Variants in CHST3 observed in about 807,000 individuals in gnomAD.
CHST3 encodes C6ST-1.
A neutral mutation model predicts 35.4 loss-of-function variants in CHST3; 20 were observed. That is an observed-to-expected ratio of 0.57 (90% CI 0.40 to 0.82). The LOEUF (loss-of-function observed/expected upper bound fraction) is 0.82, where lower values mean the gene tolerates loss of function less well. CHST3 is among the 40% of genes least tolerant of loss of function. The pLI is 0.00. For synonymous variants in CHST3, 334 were observed against 295.9 expected, an observed-to-expected ratio of 1.13 and a Z score of -1.32; for missense variants, 693 against 670.1, an observed-to-expected ratio of 1.03 and a Z score of -0.38.
intron 1 of CHST3, among the ~76,000 whole-genome samples, chr10:71,966,604 C>T (rs140650582): frequency 2.5e-3 from 385 of 152,322 alleles, no homozygotes; most frequent in African/African-American, 8.6e-3. Context: ...GGACTGGCCT[C>T]AGATGAAAGA....
At chr10:71,997,224 C>G (rs908058027) in intron 1 of CHST3, among the ~76,000 whole-genome samples, 1 of 152,172 alleles carries the variant, frequency 6.6e-6, no homozygotes, top group Non-Finnish European at 1.5e-5. Context: ...GCCCTTCATC[C>G]CAGCCCCTGG....
At chr10:71,995,147 G>C (rs750363060) in intron 1 of CHST3, among the ~76,000 whole-genome samples, 1 of 152,060 alleles carries the variant, frequency 6.6e-6, no homozygotes, top group Admixed American at 6.6e-5. Flanking sequence ...TTTTCCAGCC[G>C]GGTGCGGTGA....
intron 1 of CHST3, among the ~76,000 whole-genome samples, chr10:71,990,144 T>C (rs961027286): frequency 2.6e-5 from 4 of 152,180 alleles, no homozygotes; most frequent in Admixed American, 1.3e-4. Context: ...CGAAGAGTGT[T>C]ATAGCAGTCC....
intron 1 of CHST3, among the ~76,000 whole-genome samples, chr10:71,968,250 C>T (rs190560126): frequency 3.9e-4 from 59 of 152,128 alleles, no homozygotes; most frequent in Non-Finnish European, 7.1e-4. Context: ...GTGATGTTGA[C>T]CGTTTTTTCA....
Position 72,008,524 on chromosome 10 carries a change from T to G in CHST3, c.*53T>G. 9 of 1,458,264 alleles carry G rather than the reference T, an allele frequency of 6.2e-6. No individual in the cohort carries two copies. Among genetic ancestry groups the G allele is most frequent in the Non-Finnish European group, 8.1e-6 (9 of 1,105,054 alleles). The allele number at this position is 1,458,264 out of a possible 1,614,324, so 90.3% of individuals were successfully genotyped here. On this transcript the variant is annotated 3_prime_UTR_variant, in exon 3 of 3. Transcript: ENST00000373115. ...TCGTGAAAGGCCTGCCCCGTCTTTC[T>G]GCCGCAGCCCTCGCAGAGGGCGGGT...
At chr10:71,995,468 GCTAA>G (rs1422128844) in intron 1 of CHST3, among the ~76,000 whole-genome samples, 1 of 151,628 alleles carries the variant, frequency 6.6e-6, no homozygotes, top group East Asian at 1.9e-4. Context: ...TCACAGCTTG[GCTAA>G]CTGTTTGGTG....
In CHST3 at chr10:72,007,354, A is replaced by T; in HGVS notation, c.323A>T (p.Glu108Val). The T allele has an allele frequency of 6.2e-7, 1 of 1,608,012 alleles. No individual in the cohort carries two copies. The highest frequency in any genetic ancestry group is 8.5e-7 in the Non-Finnish European group (1 of 1,177,378). ...SLQLGVEPAM[E>V]AAGEEEEEQR... ...CAGCTGGGCGTGGAGCCAGCCATGG[A>T]GGCCGCAGGGGAGGAAGAGGAAGAG... Residue 108 changes from glutamate to valine, a missense_variant, in exon 3 of 3, where the codon GAG becomes GTG. Glu to Val is a moderately radical substitution (Grantham distance 121). Coordinates refer to ENST00000373115, the MANE Select transcript of CHST3 (RefSeq NM_004273.5).
chr10:71,990,384 A>G lies in CHST3; in HGVS notation c.-107-15352A>G, dbSNP rs576197456. ...AATAATTTTTCTTTTTTTTTTTGAC[A>G]CGGAGTTTTGCTCTTGTTGCCCAGG... On this transcript the variant is annotated intron_variant, in intron 1 of 2. Coordinates refer to ENST00000373115, the MANE Select transcript of CHST3 (RefSeq NM_004273.5). 5.0e-3 allele frequency among the ~76,000 whole-genome samples: 757 copies of G among 151,700 alleles called. 2 individuals are homozygous for G. Among genetic ancestry groups the G allele is most frequent in the African/African-American group, 0.017 (683 of 41,346 alleles).
chr10:71,989,403 C>G (rs899272613), intron 1 of CHST3, among the ~76,000 whole-genome samples: 2 of 152,042 alleles, frequency 1.3e-5, no homozygotes, highest in Non-Finnish European at 2.9e-5. Flanking sequence ...GCCATGATCA[C>G]ACCACCGTAT....
intron 2 of CHST3, 130 bp downstream of exon 2, chr10:72,006,112 A>G (rs1020980180): frequency 3.3e-6 from 4 of 1,205,196 alleles, no homozygotes; most frequent in South Asian, 1.2e-5. Flanking sequence ...GGCCCCTTCT[A>G]TGTCCCAGGC....
intron 1 of CHST3, among the ~76,000 whole-genome samples, chr10:71,966,138 G>T (rs1156396186): frequency 6.6e-6 from 1 of 152,162 alleles, no homozygotes; most frequent in Non-Finnish European, 1.5e-5. Flanking sequence ...TGGAGAAAGA[G>T]ATGGGCCGTG....
chr10:71,991,047 G>A (rs139312247), intron 1 of CHST3, among the ~76,000 whole-genome samples: 149 of 152,312 alleles, frequency 9.8e-4, no homozygotes, highest in African/African-American at 3.4e-3. Context: ...TGTGAACTAA[G>A]CCAGTTGGAA....
Position 72,007,421 on chromosome 10 carries a change from G to T in CHST3, c.390G>T (p.Gly130=), listed in dbSNP as rs891362818. The stretch of plus-strand genomic sequence containing the variant: ...AGCCGCCCAGACCGGCCGTGGCGGG[G>T]CCCCGGCGCCACGTGCTGCTCATGG... ...EEEPPRPAVA[G]PRRHVLLMAT... is the part of the protein sequence containing the mutation. Residue 130 remains glycine (G), a synonymous_variant, in exon 3 of 3, where the codon GGG becomes GGT. Coordinates refer to ENST00000373115, the MANE Select transcript of CHST3 (RefSeq NM_004273.5). 1 of 1,603,582 alleles carries T rather than the reference G, an allele frequency of 6.2e-7. No individual in the cohort carries two copies. The highest frequency in any genetic ancestry group is 1.1e-5 in the South Asian group (1 of 90,710).
At position 72,007,313 on chromosome 10, in the gene CHST3, C is replaced by G; in HGVS notation, c.282C>G (p.Leu94=). The G allele has an allele frequency of 6.2e-7, 1 of 1,612,778 alleles. No individual in the cohort carries two copies. The highest frequency in any genetic ancestry group is 1.1e-5 in the South Asian group (1 of 90,744). The change falls in exon 3 of 3, where the codon CTC becomes CTG. Residue 94 remains leucine, a synonymous_variant. Coordinates refer to ENST00000373115, the MANE Select transcript of CHST3 (RefSeq NM_004273.5). The part of the protein sequence containing the change: ...DSAFSQLQSR[L]RNLSLQLGVE... ...CCTTCTCCCAGCTTCAGAGCCGTCTCCGCAACCTCAGCTTGCAGCTGGGCG... is the reference window on the plus strand; with the variant it reads ...CCTTCTCCCAGCTTCAGAGCCGTCTGCGCAACCTCAGCTTGCAGCTGGGCG...
At chr10:71,986,317 C>T (rs1349495886) in intron 1 of CHST3, among the ~76,000 whole-genome samples, 1 of 152,120 alleles carries the variant, frequency 6.6e-6, no homozygotes. Flanking sequence ...GCCCAGGCCA[C>T]ACCAATGCAA....
At chr10:71,994,399 G>A (rs1839922578) in intron 1 of CHST3, among the ~76,000 whole-genome samples, 1 of 152,186 alleles carries the variant, frequency 6.6e-6, no homozygotes, top group South Asian at 2.1e-4. Context: ...GTCCATCAGA[G>A]CTCTTGGGAG....
chr10:71,996,151 T>C (rs1462603590), intron 1 of CHST3, among the ~76,000 whole-genome samples: 1 of 152,184 alleles, frequency 6.6e-6, no homozygotes, highest in East Asian at 1.9e-4. Context: ...TCCCAGGCTC[T>C]CTGTGCCTCC....
At chr10:71,985,030 G>A (rs1417585056) in intron 1 of CHST3, among the ~76,000 whole-genome samples, 3 of 152,198 alleles carry the variant, frequency 2.0e-5, no homozygotes, top group African/African-American at 7.2e-5. Context: ...CCGCAGAATT[G>A]CCATAGAGCA....
intron 1 of CHST3, among the ~76,000 whole-genome samples, chr10:71,980,375 A>T (rs980767172): frequency 6.6e-6 from 1 of 152,084 alleles, no homozygotes; most frequent in South Asian, 2.1e-4. Flanking sequence ...AAAGAAACTC[A>T]TGCTTATCAA....
Sources: allele counts gnomAD v4.1 joint callset (sites outside exome capture counted in the v4.1 genomes callset), GRCh38; gene constraint gnomAD v4.1.1; transcripts MANE v1.5; gene names NCBI Gene and HGNC (gene_info 2026-07-23, HGNC 2026-07-21).